The following TBX15 variants were observed in gnomAD, a reference collection of about 807,000 sequenced individuals.
TBX15 encodes T-box transcription factor 15.
In TBX15, 18 loss-of-function variants were observed where a neutral mutation model predicts 53.9. The ratio of observed to expected loss-of-function variants is 0.33; its 90% confidence interval spans 0.23 to 0.49. The LOEUF (loss-of-function observed/expected upper bound fraction) is 0.49. Ranked by LOEUF, TBX15 falls within the 20% of genes least tolerant of loss-of-function variation. The pLI is 0.98. For missense variants in TBX15, 692 were observed against 749.5 expected, an observed-to-expected ratio of 0.92 and a Z score of 0.90; for synonymous variants, 295 against 278.0, an observed-to-expected ratio of 1.06 and a Z score of -0.61.
At chr1:118,960,954 G>A (rs530784730) in intron 1 of TBX15, among the ~76,000 whole-genome samples, 23 of 152,262 alleles carry the variant, frequency 1.5e-4, no homozygotes, top group African/African-American at 4.3e-4. Context: ...GACACTGGGC[G>A]GCCATGGACA....
At chr1:118,919,441 T>A (rs189578955) in intron 5 of TBX15, among the ~76,000 whole-genome samples, 112 of 152,210 alleles carry the variant, frequency 7.4e-4, no homozygotes, top group African/African-American at 2.6e-3. Flanking sequence ...CCAATAATAG[T>A]AATAATAACT....
At chr1:118,964,769 C>T (rs1656989352) in intron 1 of TBX15, among the ~76,000 whole-genome samples, 1 of 152,236 alleles carries the variant, frequency 6.6e-6, no homozygotes, top group Admixed American at 6.5e-5. Context: ...CTTATAGCTG[C>T]TTGCAGCCAC....
intron 1 of TBX15, among the ~76,000 whole-genome samples, chr1:118,941,361 G>A (rs1023432247): frequency 6.6e-6 from 1 of 152,214 alleles, no homozygotes; most frequent in East Asian, 1.9e-4. Flanking sequence ...AACATCAAGT[G>A]TAATTTAACT....
intron 1 of TBX15, among the ~76,000 whole-genome samples, chr1:118,949,474 A>G (rs1359414551): frequency 1.3e-5 from 2 of 152,136 alleles, no homozygotes; most frequent in East Asian, 3.9e-4. Flanking sequence ...TTCACACTTC[A>G]TTTCCTCCCC....
intron 1 of TBX15, among the ~76,000 whole-genome samples, chr1:118,970,746 T>A (rs1314936728): frequency 6.6e-6 from 1 of 152,122 alleles, no homozygotes; most frequent in Non-Finnish European, 1.5e-5. Flanking sequence ...GCCTCATATT[T>A]CTCACCCCTC....
intron 7 of TBX15, 92 bp downstream of exon 7, chr1:118,898,936 C>T: frequency 6.2e-6 from 8 of 1,285,048 alleles, no homozygotes; most frequent in Admixed American, 1.8e-5. Context: ...TAACCCATAT[C>T]TTGGCCTGAG....
Position 118,931,759 on chromosome 1 carries a change from A to G in TBX15, c.279T>C (p.Thr93=). 1 of 1,613,104 alleles carries G rather than the reference A, an allele frequency of 6.2e-7. No homozygotes were observed. Among genetic ancestry groups the G allele is most frequent in the Non-Finnish European group, 8.5e-7 (1 of 1,179,464 alleles). ...ERTSCSFSTH[T]DLASGAAGPV... ...GGCCTGCAGCACCAGAGGCCAGGTC[A>G]GTGTGAGTACTGAAGGAGCAGGAAG... Residue 93 remains threonine, a synonymous_variant, in exon 2 of 8, where the codon ACT becomes ACC. Transcript: ENST00000369429.
At chr1:118,907,922 A>T (rs1181265328) in intron 6 of TBX15, among the ~76,000 whole-genome samples, 1 of 152,146 alleles carries the variant, frequency 6.6e-6, no homozygotes, top group African/African-American at 2.4e-5. Context: ...CAGAACACAC[A>T]GACATGCCCC....
chr1:118,904,053 G>A (rs972749180), intron 6 of TBX15, among the ~76,000 whole-genome samples: 9 of 152,156 alleles, frequency 5.9e-5, no homozygotes, highest in Non-Finnish European at 1.2e-4. Flanking sequence ...AAGACTTGGA[G>A]GTATGCAAGA....
intron 7 of TBX15, among the ~76,000 whole-genome samples, chr1:118,891,131 G>C (rs1379842360): frequency 6.6e-6 from 1 of 152,216 alleles, no homozygotes; most frequent in Admixed American, 6.5e-5. Flanking sequence ...ACATTAGAGT[G>C]CTAATAGGAA....
intron 7 of TBX15, among the ~76,000 whole-genome samples, chr1:118,886,105 G>A (rs868834878): frequency 2.6e-5 from 4 of 152,134 alleles, no homozygotes; most frequent in South Asian, 4.2e-4. Context: ...TGGAGCCTGG[G>A]GTATGAGATT....
At chr1:118,983,478 C>T (rs896493508) in intron 1 of TBX15, among the ~76,000 whole-genome samples, 1 of 152,168 alleles carries the variant, frequency 6.6e-6, no homozygotes, top group South Asian at 2.1e-4. Flanking sequence ...CCGATCAGTG[C>T]GCAGAAAAAG....
chr1:118,947,570 CA>C (rs1259455150), intron 1 of TBX15, among the ~76,000 whole-genome samples: 1 of 152,172 alleles, frequency 6.6e-6, no homozygotes, highest in Non-Finnish European at 1.5e-5. Context: ...ACTGCTTACG[CA>C]ACTCAATGAG....
chr1:118,980,976 G>C (rs1198418807), intron 1 of TBX15, among the ~76,000 whole-genome samples: 2 of 152,080 alleles, frequency 1.3e-5, no homozygotes, highest in African/African-American at 4.8e-5. Context: ...GGGATTACAG[G>C]CCCGCACCAC....
rs766075756 is a variant in TBX15 at position 118,885,099 on chromosome 1, A to T, written c.1442T>A (p.Met481Lys). Residue 481 changes from methionine (M) to lysine (K), a missense_variant, in exon 8 of 8, where the codon ATG (methionine) becomes AAG (lysine). Met to Lys is a moderately conservative substitution (Grantham distance 95). Coordinates refer to ENST00000369429, the MANE Select transcript of TBX15 (RefSeq NM_001330677.2). ...GCTGGAGGCAGCATTGCCTGCCTGC[A>T]TGACATACTGAAACTGGGAAGTGGG... Reference protein sequence around the residue: ...SFPTSQFQYVMQAGNAASSSS... With the variant: ...SFPTSQFQYVKQAGNAASSSS... The T allele has an allele frequency of 6.2e-7, 1 of 1,614,190 alleles. No individual in the cohort carries two copies. The highest frequency in any genetic ancestry group is 2.2e-5 in the East Asian group (1 of 44,864).
chr1:118,889,238 G>GTA (rs1391895007), intron 7 of TBX15, among the ~76,000 whole-genome samples: 1 of 152,156 alleles, frequency 6.6e-6, no homozygotes, highest in Non-Finnish European at 1.5e-5. Flanking sequence ...GAAGACTATG[G>GTA]TATTCATTTT....
Position 118,901,379 on chromosome 1 carries a change from A to G in TBX15, c.927-2254T>C, listed in dbSNP as rs1191326808. 6 of 456,676 alleles carry G rather than the reference A, an allele frequency of 1.3e-5. No individual in the cohort carries two copies. The Middle Eastern group carries it at 9.8e-4, about 74-fold the overall frequency. 28.3% of individuals were successfully genotyped at this position (456,676 alleles called of 1,614,324 possible). Reference sequence around the variant, plus strand: ...TAGCCATTCATGGGGCACAGCTCTCAGAGCCTAATCACCTCTTAAAGGTCC... The same window carrying G: ...TAGCCATTCATGGGGCACAGCTCTCGGAGCCTAATCACCTCTTAAAGGTCC... On this transcript the variant is annotated intron_variant, in intron 6 of 7. Coordinates refer to ENST00000369429, the MANE Select transcript of TBX15 (RefSeq NM_001330677.2).
intron 5 of TBX15, among the ~76,000 whole-genome samples, chr1:118,922,088 G>A (rs935158787): frequency 6.6e-6 from 1 of 152,152 alleles, no homozygotes; most frequent in African/African-American, 2.4e-5. Flanking sequence ...TCATATCTGC[G>A]CAGCCAAAGG....
chr1:118,908,922 A>T (rs1174473633), intron 6 of TBX15, among the ~76,000 whole-genome samples: 1 of 144,784 alleles, frequency 6.9e-6, no homozygotes, highest in Non-Finnish European at 1.5e-5. Context: ...CTCAACATTC[A>T]CACACACACA....
Sources: gnomAD v4.1 joint callset for allele counts (sites outside exome capture counted in the v4.1 genomes callset) on GRCh38, gnomAD v4.1.1 for gene constraint, MANE v1.5 for transcripts, NCBI Gene and HGNC (gene_info 2026-07-23, HGNC 2026-07-21) for gene names.